ATG9B: variants seen among roughly 807,000 people sequenced by gnomAD.
The protein encoded by ATG9B is autophagy related 9B.
In ATG9B, 92 loss-of-function variants were observed where a neutral mutation model predicts 92.9. The ratio of observed to expected loss-of-function variants is 0.99; its 90% confidence interval spans 0.84 to 1.18. The LOEUF (loss-of-function observed/expected upper bound fraction) is 1.18. ATG9B is among the 50% of genes most tolerant of loss of function. The pLI is 0.00. For synonymous variants in ATG9B, 599 were observed against 551.4 expected, an observed-to-expected ratio of 1.09 and a Z score of -1.21; for missense variants, 1,344 against 1,235.0, an observed-to-expected ratio of 1.09 and a Z score of -1.32.
rs191756802 is a variant in ATG9B at position 151,018,512 on chromosome 7, G to A, written c.1719-65C>T. ...AGGAGGACGCGCGGTGGGATGTAGGGCTAGAGGGCCCCAGTGGTGGGAGAG... is the reference window on the plus strand; with the variant it reads ...AGGAGGACGCGCGGTGGGATGTAGGACTAGAGGGCCCCAGTGGTGGGAGAG... On this transcript the variant is annotated intron_variant, in intron 6 of 13. Transcript: ENST00000639579. This position sits in a 1 kb window ranked among gnomAD's most constrained non-coding sequence, Gnocchi z 4.7. 10,612 of 1,524,068 alleles carry A rather than the reference G, an allele frequency of 7.0e-3. 54 individuals are homozygous for A. The highest frequency in any genetic ancestry group is 8.0e-3 in the Non-Finnish European group (9,153 of 1,137,808). 94.4% of individuals were successfully genotyped at this position (1,524,068 alleles called of 1,614,324 possible). A position where few individuals can be genotyped will look rare whatever the true frequency, so the allele number is the denominator to read the frequency against.
chr7:151,017,165 G>A lies in ATG9B; in HGVS notation c.2160C>T (p.Pro720=), dbSNP rs1795533537. Residue 720 remains proline (P), a synonymous_variant, in exon 9 of 14, where the codon CCC becomes CCT. Transcript: ENST00000639579. The stretch of plus-strand genomic sequence containing the variant: ...CAAGAAACTTAGAGCTGTGCCCTGG[G>A]GGGCGCCAGAGTGGATGCGCCAGGG... ...RFSLAHPLWR[P]PGHSSKFLGH... The A allele has an allele frequency of 2.5e-6, 4 of 1,613,218 alleles. No homozygotes were observed. The highest frequency in any genetic ancestry group is 1.1e-5 in the South Asian group (1 of 91,032).
At chr7:151,014,152 G>C, downstream of ATG9B, 1 of 1,607,506 alleles carries the variant, frequency 6.2e-7, no homozygotes, top group Non-Finnish European at 8.5e-7. Context: ...TCCCGGCTCA[G>C]ACACCAACAG....
chr7:151,016,156 G>C lies in ATG9B; in HGVS notation c.2600C>G (p.Ser867Ter), dbSNP rs1795471592. 3 of 1,540,058 alleles carry C rather than the reference G, an allele frequency of 1.9e-6. No homozygotes were observed. Among genetic ancestry groups the C allele is most frequent in the Non-Finnish European group, 2.6e-6 (3 of 1,140,352 alleles). The change falls in exon 12 of 14, where the codon TCA becomes TGA. Residue 867 changes from serine (S) to a stop codon, truncating the protein, a stop_gained. Transcript: ENST00000639579. LOFTEE classifies it high-confidence loss of function. ...CTCCTCATCAGGCGAGGGTGGCTGT[G>C]AGGGGCTGGAGCAGGGCCTGGACAG... ...SILSRPCSSP[S>*]QPPSPDEEKP...
chr7:151,013,709 C>G (rs1311945473), downstream of ATG9B: 2 of 1,576,512 alleles, frequency 1.3e-6, no homozygotes, highest in Non-Finnish European at 1.7e-6. Flanking sequence ...CCGCCCTAAC[C>G]CCGCCGCCCC....
intron 2 of ATG9B, 41 bp from the exon 3 acceptor site, chr7:151,023,550 C>G: frequency 1.2e-6 from 2 of 1,612,644 alleles, no homozygotes; most frequent in Non-Finnish European, 1.7e-6. Flanking sequence ...CACGGGGGGC[C>G]TCTCCTGAGG....
chr7:151,018,543 G>A lies in ATG9B; in HGVS notation c.1718+77C>T, dbSNP rs922352232. On this transcript the variant is annotated intron_variant, in intron 6 of 13. Coordinates refer to ENST00000639579, the MANE Select transcript of ATG9B (RefSeq NM_001317056.2). The surrounding 1 kb of genome is among the most constrained non-coding windows in gnomAD (Gnocchi z 4.7). ...GGGCCCCAGTGGTGGGAGAGGTAAG[G>A]ATTCGGGGGGAACCTCACATGGCCC... is the stretch of plus-strand genomic sequence containing the variant. 12 of 1,532,554 alleles carry A rather than the reference G, an allele frequency of 7.8e-6. No individual in the cohort carries two copies. The East Asian group carries it at 2.8e-4, about 36-fold the overall frequency. The allele number at this position is 1,532,554 out of a possible 1,614,324, so 94.9% of individuals were successfully genotyped here.
At chr7:151,012,596 C>T (rs114647585), downstream of ATG9B, 1,743 of 1,238,926 alleles carry the variant, frequency 1.4e-3, 18 homozygotes, top group African/African-American at 0.022. Flanking sequence ...GCTGAAAAGA[C>T]GCTCATGAGA....
chr7:151,018,594 A>T lies in ATG9B; in HGVS notation c.1718+26T>A. On this transcript the variant is annotated intron_variant, in intron 6 of 13. Coordinates refer to ENST00000639579, the MANE Select transcript of ATG9B (RefSeq NM_001317056.2). This position sits in a 1 kb window ranked among gnomAD's most constrained non-coding sequence, Gnocchi z 4.7. Reference sequence around the variant, plus strand: ...CAGATCAGAGAAACCAACACACACCACCACCCCGGGCATCTGCCGTCGCAC... The same window carrying T: ...CAGATCAGAGAAACCAACACACACCTCCACCCCGGGCATCTGCCGTCGCAC... The T allele has an allele frequency of 6.3e-7, 1 of 1,586,712 alleles. No homozygotes were observed. Among genetic ancestry groups the T allele is most frequent in the Non-Finnish European group, 8.5e-7 (1 of 1,172,066 alleles).
downstream of ATG9B, chr7:151,013,924 G>C (rs1243907213): frequency 6.3e-7 from 1 of 1,599,126 alleles, no homozygotes; most frequent in South Asian, 1.1e-5. Flanking sequence ...TGCGGGTGCG[G>C]AGGGGCGGGC....
At chr7:151,021,528 T>A (rs747920836) in intron 4 of ATG9B, among the ~76,000 whole-genome samples, 199 bp from the exon 5 acceptor site, 2 of 152,156 alleles carry the variant, frequency 1.3e-5, no homozygotes, top group Admixed American at 1.3e-4. Context: ...TTCCAAATAA[T>A]ACTAATGCTT....
Position 151,018,514 on chromosome 7 carries a change from T to C in ATG9B, c.1719-67A>G. 17 of 1,522,890 alleles carry C rather than the reference T, an allele frequency of 1.1e-5. No individual in the cohort carries two copies. Among genetic ancestry groups the C allele is most frequent in the Non-Finnish European group, 1.5e-5 (17 of 1,137,118 alleles). The allele number at this position is 1,522,890 out of a possible 1,614,324, so 94.3% of individuals were successfully genotyped here. ...GAGGACGCGCGGTGGGATGTAGGGC[T>C]AGAGGGCCCCAGTGGTGGGAGAGGT... On this transcript the variant is annotated intron_variant, in intron 6 of 13. Coordinates refer to ENST00000639579, the MANE Select transcript of ATG9B (RefSeq NM_001317056.2). This position sits in a 1 kb window ranked among gnomAD's most constrained non-coding sequence, Gnocchi z 4.7.
At chr7:151,021,108 C>A in intron 5 of ATG9B, 80 bp downstream of exon 5, 1 of 1,542,132 alleles carries the variant, frequency 6.5e-7, no homozygotes, top group Non-Finnish European at 8.9e-7. Flanking sequence ...GCCCTTCCAC[C>A]TGTACAGTCC....
At position 151,018,374 on chromosome 7, in the gene ATG9B, G is replaced by GC. The variant is rs1430370968; in HGVS notation, c.1791dup (p.His598AlafsTer95). 1 of 1,598,450 alleles carries GC rather than the reference G, an allele frequency of 6.3e-7. No homozygotes were observed. The highest frequency in any genetic ancestry group is 2.2e-5 in the East Asian group (1 of 44,762). ...GGGCCGGGCTCCTCCGGGAGGTAGT[G>GC]CATGTGGGCCAGGGCTGTCTGCAGC... On this transcript the variant is annotated frameshift_variant, in exon 7 of 14. Transcript: ENST00000639579. LOFTEE classifies it high-confidence loss of function. The surrounding 1 kb of genome is among the most constrained non-coding windows in gnomAD (Gnocchi z 4.7).
chr7:151,018,673 CACGGCTAGCACGTCCTCGTCGTA>C lies in ATG9B; in HGVS notation c.1642_1664del (p.Tyr548GlyfsTer137). The C allele has an allele frequency of 6.2e-7, 1 of 1,605,956 alleles. No individual in the cohort carries two copies. Among genetic ancestry groups the C allele is most frequent in the African/African-American group, 1.3e-5 (1 of 74,374 alleles). On this transcript the variant is annotated frameshift_variant, in exon 6 of 14. Transcript: ENST00000639579. LOFTEE classifies it high-confidence loss of function. The surrounding 1 kb of genome is among the most constrained non-coding windows in gnomAD (Gnocchi z 4.7). ...CGGTCATGGCGGTGAGCACGTGCTC[CACGGCTAGCACGTCCTCGTCGTA>C]GACGGTGAGCACAAGCAGCGCGGCG...
At chr7:151,013,684 C>A, downstream of ATG9B, 1 of 1,466,552 alleles carries the variant, frequency 6.8e-7, no homozygotes, top group South Asian at 1.2e-5. Context: ...CCCCCGCGCC[C>A]ACCCCCACCA....
downstream of ATG9B, chr7:151,013,587 G>GT: frequency 1.0e-6 from 1 of 991,198 alleles, no homozygotes; most frequent in Non-Finnish European, 1.4e-6. Context: ...CTCTGCCCCT[G>GT]TTGACACCGC....
downstream of ATG9B, chr7:151,013,504 G>A: frequency 1.6e-6 from 2 of 1,274,380 alleles, no homozygotes; most frequent in South Asian, 1.5e-5. Flanking sequence ...AGCCACCCCT[G>A]CACACTCTGG....
At position 151,023,723 on chromosome 7, in the gene ATG9B, C is replaced by G. The variant is rs2117178557; in HGVS notation, c.558G>C (p.Trp186Cys). Residue 186 changes from tryptophan to cysteine, a missense_variant, in exon 2 of 14, where the codon TGG (tryptophan) becomes TGC (cysteine). Transcript: ENST00000639579. ...LHVPEGLRGS[W>C]HHIQNLDSFF... is the part of the protein sequence containing the mutation. ...AACTGTCCAGGTTCTGGATGTGATG[C>G]CAGGAGCCTGGGCACAGAGGGGAGA... is the stretch of plus-strand genomic sequence containing the variant. 3 of 1,614,060 alleles carry G rather than the reference C, an allele frequency of 1.9e-6. No individual in the cohort carries two copies. The highest frequency in any genetic ancestry group is 2.5e-6 in the Non-Finnish European group (3 of 1,180,024).
downstream of ATG9B, chr7:151,013,872 GCGACA>G: frequency 6.2e-7 from 1 of 1,603,016 alleles, no homozygotes; most frequent in Non-Finnish European, 8.5e-7. Flanking sequence ...GCGACGGAGG[GCGACA>G]TGGAGCTGGA....
Sources: gnomAD v4.1 joint callset for allele counts (sites outside exome capture counted in the v4.1 genomes callset) on GRCh38, gnomAD v4.1.1 for gene constraint, Gnocchi (gnomAD v3.1) non-coding constraint, MANE v1.5 for transcripts, NCBI Gene and HGNC (gene_info 2026-07-23, HGNC 2026-07-21) for gene names.